The following WDR7 variants were observed in gnomAD, a reference collection of about 807,000 sequenced individuals.
WDR7 encodes the protein WD repeat domain 7.
WDR7 carries 46 observed loss-of-function variants against 169.4 expected under a neutral mutation model. That is an observed-to-expected ratio of 0.27 (90% confidence interval 0.21 to 0.35). The LOEUF is 0.35. WDR7 is among the 10% of genes least tolerant of loss of function. The probability of loss-of-function intolerance (pLI) is 1.00; values close to 1 mark genes in which losing one functional copy is unlikely to be tolerated. For missense variants in WDR7, 1,534 were observed against 1,859.3 expected (o/e 0.83, Z 3.22); for synonymous variants, 612 against 666.8 (o/e 0.92, Z 1.27).
intron 11 of WDR7, 146 bp downstream of exon 11, chr18:56,695,344 C>A: frequency 1.0e-6 from 1 of 972,120 alleles, no homozygotes; most frequent in Non-Finnish European, 1.5e-6. Context: ...GAGTTTAATG[C>A]ACAGATAAAA....
rs575878253 is a variant in WDR7, at chr18:56,878,862, G to A, written c.3305-1082G>A. ...TTCCCCTTAGCGTAATGTTTTCAGCGTCATTTTTGTGGCATGTATCATTAC... is the reference window on the plus strand; with the variant it reads ...TTCCCCTTAGCGTAATGTTTTCAGCATCATTTTTGTGGCATGTATCATTAC... On this transcript the variant is annotated intron_variant, in intron 20 of 27. Coordinates refer to ENST00000254442, the MANE Select transcript of WDR7 (RefSeq NM_015285.3). Among the ~76,000 whole-genome samples the A allele has an allele frequency of 9.2e-5, 14 of 152,172 alleles. No homozygotes were observed. The South Asian group carries it at 2.9e-3, about 32-fold the overall frequency.
intron 23 of WDR7, 130 bp downstream of exon 23, chr18:56,936,035 A>G (rs1221828601): frequency 6.2e-6 from 5 of 806,156 alleles, no homozygotes; most frequent in South Asian, 1.8e-5. Flanking sequence ...ATAATTTAGT[A>G]CTGAAATGAA....
chr18:56,791,143 T>TTTTG (rs140258068), intron 19 of WDR7, among the ~76,000 whole-genome samples: 1,934 of 152,148 alleles, frequency 0.013, 17 homozygotes, highest in East Asian at 0.031. Flanking sequence ...CACAGGGTTT[T>TTTTG]TGTGTGTGTG....
intron 20 of WDR7, among the ~76,000 whole-genome samples, chr18:56,874,621 A>C (rs535472411): frequency 2.6e-5 from 4 of 152,298 alleles, no homozygotes; most frequent in Non-Finnish European, 5.9e-5. Context: ...ACAAAATTCA[A>C]CAAATTAAGA....
At chr18:56,739,882 T>TG (rs2043589208) in intron 14 of WDR7, among the ~76,000 whole-genome samples, 1 of 151,686 alleles carries the variant, frequency 6.6e-6, no homozygotes, top group Non-Finnish European at 1.5e-5. Context: ...TGTGATTTTT[T>TG]TTTTTTTTTG....
At chr18:56,939,765 C>T (rs542651901) in intron 25 of WDR7, among the ~76,000 whole-genome samples, 27 of 152,096 alleles carry the variant, frequency 1.8e-4, no homozygotes, top group Admixed American at 1.6e-3. Context: ...ATCTTTGTGC[C>T]ACGCTTTCAC....
At chr18:57,012,164 G>A (rs1040978616) in intron 26 of WDR7, among the ~76,000 whole-genome samples, 2 of 152,180 alleles carry the variant, frequency 1.3e-5, no homozygotes, top group African/African-American at 2.4e-5. Context: ...TAAGAGGTTT[G>A]AACTCCTGGA....
At chr18:56,831,110 C>T (rs963522721) in intron 20 of WDR7, among the ~76,000 whole-genome samples, 9 of 152,100 alleles carry the variant, frequency 5.9e-5, no homozygotes, top group Non-Finnish European at 8.8e-5. Context: ...CATGATACAC[C>T]GGCTGAGCAT....
chr18:56,819,630 C>CAAACCTATTACATTCAATATT (rs995065484), intron 20 of WDR7, among the ~76,000 whole-genome samples: 1 of 152,054 alleles, frequency 6.6e-6, no homozygotes, highest in Non-Finnish European at 1.5e-5. Context: ...ATTCAATATT[C>CAAACCTATTACATTCAATATT]AAACCTATTA....
At chr18:56,946,737 A>C (rs1278112093) in intron 25 of WDR7, among the ~76,000 whole-genome samples, 1 of 152,164 alleles carries the variant, frequency 6.6e-6, no homozygotes, top group Non-Finnish European at 1.5e-5. Context: ...GTGTATATGA[A>C]ATACACGGTT....
intron 21 of WDR7, among the ~76,000 whole-genome samples, chr18:56,895,615 A>C (rs9967569): frequency 0.058 from 8,825 of 151,920 alleles, 360 homozygotes; most frequent in East Asian, 0.11. Context: ...GAATACACTT[A>C]AGAAATACAT....
chr18:56,886,464 C>T (rs955412522), intron 21 of WDR7, among the ~76,000 whole-genome samples: 1 of 152,184 alleles, frequency 6.6e-6, no homozygotes, highest in African/African-American at 2.4e-5. Context: ...GCCAGCACTA[C>T]AGGAACTGCT....
Position 56,992,809 on chromosome 18 carries a change from G to A in WDR7, c.4165-27936G>A, listed in dbSNP as rs1599227446. Among the ~76,000 whole-genome samples, 5 of 152,254 alleles carry A rather than the reference G, an allele frequency of 3.3e-5. No individual in the cohort carries two copies. In the South Asian group the frequency reaches 8.3e-4, roughly 25 times the overall value. On this transcript the variant is annotated intron_variant, in intron 26 of 27. Transcript: ENST00000254442. ...TATTTCACTGAACTAGAAGTTCAGG[G>A]ATACGATAGTTAAAAGAACCTACAG... is the stretch of plus-strand genomic sequence containing the variant.
chr18:56,815,743 TG>T, intron 19 of WDR7, among the ~76,000 whole-genome samples: 2 of 152,320 alleles, frequency 1.3e-5, no homozygotes, highest in South Asian at 4.1e-4. Context: ...GCAAAAACCT[TG>T]AAAGGAATCG....
At chr18:56,842,424 A>T (rs1300469410) in intron 20 of WDR7, among the ~76,000 whole-genome samples, 2 of 152,180 alleles carry the variant, frequency 1.3e-5, no homozygotes, top group African/African-American at 4.8e-5. Context: ...TGATCTAATC[A>T]TCTCTTAAAG....
intron 1 of WDR7, among the ~76,000 whole-genome samples, chr18:56,656,488 C>A (rs1042026263): frequency 2.4e-4 from 37 of 151,906 alleles, no homozygotes; most frequent in African/African-American, 8.7e-4. Context: ...CCATGTTGCC[C>A]AAGCTGGTCT....
intron 14 of WDR7, among the ~76,000 whole-genome samples, chr18:56,741,502 G>C (rs1191736053): frequency 6.6e-6 from 1 of 152,084 alleles, no homozygotes; most frequent in East Asian, 1.9e-4. Context: ...TCTGCTCCAA[G>C]TTCTCCATTA....
chr18:56,859,001 G>A (rs1430909771), intron 20 of WDR7, among the ~76,000 whole-genome samples: 1 of 152,126 alleles, frequency 6.6e-6, no homozygotes, highest in Non-Finnish European at 1.5e-5. Flanking sequence ...GTGGCCATGA[G>A]GGGAGGTGGT....
chr18:57,004,155 G>A (rs1404619667), intron 26 of WDR7, among the ~76,000 whole-genome samples: 1 of 151,970 alleles, frequency 6.6e-6, no homozygotes, highest in Non-Finnish European at 1.5e-5. Context: ...TGTAGGAGGA[G>A]GTAAATGAAT....
Sources: allele counts gnomAD v4.1 joint callset (sites outside exome capture counted in the v4.1 genomes callset), GRCh38; gene constraint gnomAD v4.1.1; transcripts MANE v1.5; gene names NCBI Gene and HGNC (gene_info 2026-07-23, HGNC 2026-07-21).